Variants in BEST3 observed in about 807,000 individuals in gnomAD.
BEST3 encodes bestrophin 3.
In BEST3, 50 loss-of-function variants were observed where a neutral mutation model predicts 47.1. The observed-to-expected ratio is 1.06, with a 90% CI of 0.85 to 1.34. BEST3 has a LOEUF of 1.34. Ranked by LOEUF, BEST3 falls within the 40% of genes most tolerant of loss-of-function variation. The pLI is 0.00. For synonymous variants in BEST3, 282 were observed against 298.8 expected (o/e 0.94, Z 0.58); for missense variants, 765 against 817.0 (o/e 0.94, Z 0.78).
chr12:69,698,169 T>A (rs139496657), intron 1 of BEST3, among the ~76,000 whole-genome samples: 21 of 152,338 alleles, frequency 1.4e-4, no homozygotes, highest in African/African-American at 4.6e-4. Flanking sequence ...GTGGGTTTGA[T>A]TGCATGTAGA....
chr12:69,683,119 G>A (rs1040054492), intron 4 of BEST3: 3 of 152,176 alleles, frequency 2.0e-5, no homozygotes, highest in Non-Finnish European at 2.9e-5. Flanking sequence ...ATCAAATTGT[G>A]CTAGCAAGTC....
Position 69,675,125 on chromosome 12 carries a change from A to AT in BEST3, c.867+1790dup, listed in dbSNP as rs544586311. Among the ~76,000 whole-genome samples the AT allele has an allele frequency of 2.3e-4, 34 of 149,612 alleles. No homozygotes were observed. The South Asian group carries it at 5.5e-3, about 24-fold the overall frequency. On this transcript the variant is annotated intron_variant, in intron 7 of 9. Transcript: ENST00000330891. ...TTTAATATTTTGTCTTTTAAGATTTATTTTTTTTATTTTAGACAGGGTCTT... is the reference window on the plus strand; with the variant it reads ...TTTAATATTTTGTCTTTTAAGATTTATTTTTTTTTATTTTAGACAGGGTCTT...
In BEST3 at chr12:69,655,607, A is replaced by T; in HGVS notation, c.1307T>A (p.Leu436Gln). 1 of 1,613,908 alleles carries T rather than the reference A, an allele frequency of 6.2e-7. No homozygotes were observed. Among genetic ancestry groups the T allele is most frequent in the South Asian group, 1.1e-5 (1 of 91,046 alleles). ...GGGGGGGTTTCTTGAGGGCACATCC[A>T]GTAGGTCCCTGGCTGGGCTGAGGTC... ...RDDLSPARDL[L>Q]DVPSRNPPRA... The change falls in exon 10 of 10, where the codon CTG (leucine) becomes CAG (glutamine). Residue 436 changes from leucine (L) to glutamine (Q), a missense_variant. By Grantham distance (113) the Leu-to-Gln change is moderately radical. Transcript: ENST00000330891.
intron 9 of BEST3, among the ~76,000 whole-genome samples, chr12:69,662,600 A>G (rs1883938327): frequency 1.3e-5 from 2 of 152,260 alleles, no homozygotes; most frequent in South Asian, 4.1e-4. Context: ...ATAAAGATAG[A>G]TAAGTAGAAA....
chr12:69,652,454 A>G (rs553823388), downstream of BEST3, among the ~76,000 whole-genome samples: 2 of 152,242 alleles, frequency 1.3e-5, no homozygotes, highest in African/African-American at 4.8e-5. Flanking sequence ...GAATTTCTTC[A>G]TCTGCTCTGA....
chr12:69,693,674 C>T lies in BEST3; in HGVS notation c.481G>A (p.Gly161Ser). The change falls in exon 4 of 10, where the codon GGT becomes AGT. Residue 161 changes from glycine to serine, a missense_variant and splice_region_variant. Transcript: ENST00000330891. ...TGGAAGGAAAAGCCATTCATAGTAC[C>T]TGCTTCAACCACGTGGTCCATTGTG... ...FPTMDHVVEAGFMTTDERKLF... is the reference protein window; with the variant it reads ...FPTMDHVVEASFMTTDERKLF... The T allele has an allele frequency of 6.2e-7, 1 of 1,604,434 alleles. No individual in the cohort carries two copies. Among genetic ancestry groups the T allele is most frequent in the Non-Finnish European group, 8.5e-7 (1 of 1,171,846 alleles).
chr12:69,682,037 G>C (rs1204541980), intron 4 of BEST3, among the ~76,000 whole-genome samples: 1 of 131,122 alleles, frequency 7.6e-6, no homozygotes, highest in East Asian at 2.3e-4. Context: ...AGCCGAGATT[G>C]TGCCATTGCA....
chr12:69,690,269 A>G (rs12423593), intron 4 of BEST3, among the ~76,000 whole-genome samples: 36,089 of 152,228 alleles, frequency 0.24, 5,074 homozygotes, highest in Middle Eastern at 0.44. Context: ...AAACATTGGT[A>G]GCTGAGCAGA....
In BEST3 at chr12:69,655,761, G is replaced by A. The variant is rs770725450; in HGVS notation, c.1153C>T (p.His385Tyr). The change falls in exon 10 of 10, where the codon CAT (histidine) becomes TAT (tyrosine). Residue 385 changes from histidine to tyrosine, a missense_variant. Physicochemically the swap from His to Tyr is moderately conservative, Grantham distance 83. Coordinates refer to ENST00000330891, the MANE Select transcript of BEST3 (RefSeq NM_032735.3). Reference protein sequence around the residue: ...DEEWLWDYEKHGHRHSMIRRV... With the variant: ...DEEWLWDYEKYGHRHSMIRRV... ...CTTATCATGGAATGCCGATGGCCAT[G>A]CTTCTCATAATCCCACAGCCACTCC... 1.2e-6 allele frequency: 2 copies of A among 1,613,654 alleles called. No homozygotes were observed. Among genetic ancestry groups the A allele is most frequent in the South Asian group, 1.1e-5 (1 of 91,080 alleles).
At chr12:69,672,858 T>TG in intron 8 of BEST3, 27 bp downstream of exon 8, 12 of 1,528,314 alleles carry the variant, frequency 7.9e-6, no homozygotes, top group Non-Finnish European at 1.1e-5. Flanking sequence ...TATTAACATT[T>TG]GAAAAAGAAA....
chr12:69,699,207 A>G lies in BEST3; in HGVS notation c.-18T>C, dbSNP rs1180394686. The G allele has an allele frequency of 5.1e-6, 5 of 985,012 alleles. No homozygotes were observed. Among genetic ancestry groups the G allele is most frequent in the Non-Finnish European group, 1.2e-6 (1 of 829,674 alleles). The allele number at this position is 985,012 out of a possible 1,614,324, so 61.0% of individuals were successfully genotyped here. A position where few individuals can be genotyped will look rare whatever the true frequency, so the allele number is the denominator to read the frequency against. On this transcript the variant is annotated splice_region_variant and 5_prime_UTR_variant, in exon 1 of 10. Coordinates refer to ENST00000330891, the MANE Select transcript of BEST3 (RefSeq NM_032735.3). Reference sequence around the variant, plus strand: ...ATAGGTTTACTCTGGGCACTAACCTATTTATTTGGTTTGTAGTCTCCGACA... The same window carrying G: ...ATAGGTTTACTCTGGGCACTAACCTGTTTATTTGGTTTGTAGTCTCCGACA...
chr12:69,687,255 A>G (rs1305806931), intron 4 of BEST3: 1 of 152,200 alleles, frequency 6.6e-6, no homozygotes, highest in East Asian at 1.9e-4. Flanking sequence ...AATGTCTGTT[A>G]ACCATAAGTG....
chr12:69,657,930 C>T (rs1201630427), intron 9 of BEST3, among the ~76,000 whole-genome samples: 1 of 152,196 alleles, frequency 6.6e-6, no homozygotes, highest in African/African-American at 2.4e-5. Context: ...GATTCTATTA[C>T]ATCGACTTGA....
rs1488580100 is a variant in BEST3 at position 69,655,184 on chromosome 12, T to A, written c.1730A>T (p.Asn577Ile). The change falls in exon 10 of 10, where the codon AAC (asparagine) becomes ATC (isoleucine). Residue 577 changes from asparagine (N) to isoleucine (I), a missense_variant. Coordinates refer to ENST00000330891, the MANE Select transcript of BEST3 (RefSeq NM_032735.3). ...GGTATCACCAGGGTCTTCTTCACAG[T>A]TGAATATATTTTCCTCAGCGCTGGC... ...VSASAEENIF[N>I]CEEDPGDTFL... is the part of the protein sequence containing the mutation. 6.2e-7 allele frequency: 1 copy of A among 1,613,966 alleles called. No homozygotes were observed. The highest frequency in any genetic ancestry group is 1.3e-5 in the African/African-American group (1 of 74,886).
chr12:69,653,499 T>C (rs1359791058), downstream of BEST3: 1 of 466,782 alleles, frequency 2.1e-6, no homozygotes, highest in Non-Finnish European at 2.8e-6. Context: ...TTTAGGCAAA[T>C]ACCTTACTTC....
At chr12:69,666,072 T>C (rs1884196561) in intron 9 of BEST3, among the ~76,000 whole-genome samples, 1 of 152,200 alleles carries the variant, frequency 6.6e-6, no homozygotes, top group Non-Finnish European at 1.5e-5. Context: ...CAAACTGTAG[T>C]GCAGTGGCAT....
chr12:69,648,488 G>A (rs4761251), intron 9 of BEST3, among the ~76,000 whole-genome samples: 64,630 of 152,006 alleles, frequency 0.43, 15,538 homozygotes, highest in Middle Eastern at 0.58. Flanking sequence ...TGAAATAGTT[G>A]GGATGGGGAA....
At chr12:69,697,928 G>T in intron 1 of BEST3, 115 bp from the exon 2 acceptor site, 1 of 765,464 alleles carries the variant, frequency 1.3e-6, no homozygotes, top group Non-Finnish European at 2.0e-6. Flanking sequence ...CCATATCTCT[G>T]TTTTGTCTTT....
rs144364046 is a variant in BEST3 at position 69,688,364 on chromosome 12, A to T, written c.481+5310T>A. Among the ~76,000 whole-genome samples the T allele has an allele frequency of 3.6e-3, 542 of 152,354 alleles. 4 individuals are homozygous for T. The highest frequency in any genetic ancestry group is 0.013 in the African/African-American group (530 of 41,576). On this transcript the variant is annotated intron_variant, in intron 4 of 9. Transcript: ENST00000330891. ...TTCTCTGATAAATAACTGATCACAG[A>T]CCAGTTCAGGGACTTTTCAGCATAA...
Sources: gnomAD v4.1 joint callset for allele counts (sites outside exome capture counted in the v4.1 genomes callset) on GRCh38, gnomAD v4.1.1 for gene constraint, MANE v1.5 for transcripts, NCBI Gene and HGNC (gene_info 2026-07-23, HGNC 2026-07-21) for gene names.